The following ABCA1 variants were observed in gnomAD, a reference collection of about 807,000 sequenced individuals.
ABCA1 encodes ATP binding cassette subfamily A member 1, also known as phospholipid-transporting ATPase ABCA1.
A neutral mutation model predicts 262.5 loss-of-function variants in ABCA1; 133 were observed. The observed-to-expected ratio is 0.51, with a 90% CI of 0.44 to 0.59. The LOEUF (loss-of-function observed/expected upper bound fraction) is 0.59. Among genes scored for constraint, ABCA1 ranks in the 20% least tolerant of loss-of-function variants. The pLI, the probability that ABCA1 is intolerant of heterozygous loss-of-function variation, is 0.00. For missense variants in ABCA1, 2,452 were observed against 2,777.5 expected (o/e 0.88, Z 2.63); for synonymous variants, 1,022 against 1,043.5 (o/e 0.98, Z 0.40).
At chr9:104,906,280 T>C (rs986919744) in intron 1 of ABCA1, among the ~76,000 whole-genome samples, 1 of 152,024 alleles carries the variant, frequency 6.6e-6, no homozygotes, top group African/African-American at 2.4e-5. Flanking sequence ...AACCCAAATA[T>C]AGAATATCAC....
Position 104,796,193 on chromosome 9 carries a change from A to G in ABCA1, c.5242T>C (p.Ser1748Pro). Residue 1748 changes from serine to proline, a missense_variant, in exon 39 of 50, where the codon TCA becomes CCA. Ser to Pro is a moderately conservative substitution (Grantham distance 74). Coordinates refer to ENST00000374736, the MANE Select transcript of ABCA1 (RefSeq NM_005502.4). Reference sequence around the variant, plus strand: ...GCTGGGTACATGAGAGGTGTGATTGACCACCTGTTGAGACACAAAAAGATA... The same window carrying G: ...GCTGGGTACATGAGAGGTGTGATTGGCCACCTGTTGAGACACAAAAAGATA... The part of the protein sequence containing the change: ...LALLLLLYGW[S>P]ITPLMYPASF... 6.2e-7 allele frequency: 1 copy of G among 1,614,120 alleles called. No homozygotes were observed. Among genetic ancestry groups the G allele is most frequent in the Non-Finnish European group, 8.5e-7 (1 of 1,180,010 alleles).
intron 7 of ABCA1, 78 bp downstream of exon 7, chr9:104,858,444 G>C: frequency 1.4e-6 from 2 of 1,458,738 alleles, no homozygotes; most frequent in South Asian, 2.3e-5. Context: ...ACAAAACAAA[G>C]TCATGCTGTC....
At chr9:104,884,792 C>T (rs1839006195) in intron 3 of ABCA1, among the ~76,000 whole-genome samples, 1 of 152,132 alleles carries the variant, frequency 6.6e-6, no homozygotes, top group Non-Finnish European at 1.5e-5. Context: ...TTCATGATAC[C>T]AGCGTTGGAG....
Position 104,785,516 on chromosome 9 carries a change from C to T in ABCA1, c.6525G>A (p.Met2175Ile). 1 of 1,613,684 alleles carries T rather than the reference C, an allele frequency of 6.2e-7. No individual in the cohort carries two copies. The highest frequency in any genetic ancestry group is 1.7e-4 in the Middle Eastern group (1 of 6,056). Residue 2175 changes from methionine (M) to isoleucine (I), a missense_variant, in exon 49 of 50, where the codon ATG (methionine) becomes ATA (isoleucine). Met to Ile is a conservative substitution (Grantham distance 10, BLOSUM62 1). Around this residue, in one of 4 missense-constraint regions of ABCA1, gnomAD observed 752 missense variants for 944.5 expected, o/e 0.80. Coordinates refer to ENST00000374736, the MANE Select transcript of ABCA1 (RefSeq NM_005502.4). ...ATGAAGATGGAAGCTGGTATTGTAG[C>T]ATGTTCCGGTGTTTCTCTTTTAGAA... ...GSVLKEKHRN[M>I]LQYQLPSSLS...
rs3890182 is a variant in ABCA1 at position 104,885,374 on chromosome 9, G to A, written c.161-806C>T. On this transcript the variant is annotated intron_variant, in intron 3 of 49. Transcript: ENST00000374736. ...CTTCCTCACACCTGCGGTTAGATTG[G>A]AATTTAGCTCATCTCAAACCCCTCT... is the stretch of plus-strand genomic sequence containing the variant. Among the ~76,000 whole-genome samples, 17,571 of 152,134 alleles carry A rather than the reference G, an allele frequency of 0.12. 1,081 individuals carry two copies. Among genetic ancestry groups the A allele is most frequent in the Middle Eastern group, 0.2 (58 of 290 alleles).
rs1833914976 is a variant in ABCA1, at chr9:104,837,342, C to T, written c.1194+86G>A. ...CCAGAAGAGCCGTGAGTATACTTAG[C>T]GCACACCTCTGAAGCTACCTTGAGT... On this transcript the variant is annotated intron_variant, in intron 10 of 49. Transcript: ENST00000374736. The T allele has an allele frequency of 3.8e-6, 6 of 1,559,758 alleles. No homozygotes were observed. In the South Asian group the frequency reaches 4.5e-5, roughly 12 times the overall value.
rs1469752696 is a variant in ABCA1, at chr9:104,858,662, G to A, written c.580C>T (p.Leu194=). The part of the protein sequence containing the change: ...LQGYQLHLTS[L]CNGSKSEEMI... Reference sequence around the variant, plus strand: ...TCTTCTGATTTTGATCCATTGCACAGACTTGTCAAATGTAACTGGTAGCCT... The same window carrying A: ...TCTTCTGATTTTGATCCATTGCACAAACTTGTCAAATGTAACTGGTAGCCT... The change falls in exon 7 of 50, where the codon CTG becomes TTG. Residue 194 remains leucine (L), a synonymous_variant. Coordinates refer to ENST00000374736, the MANE Select transcript of ABCA1 (RefSeq NM_005502.4). 44 of 1,614,030 alleles carry A rather than the reference G, an allele frequency of 2.7e-5. No individual in the cohort carries two copies. The highest frequency in any genetic ancestry group is 3.3e-5 in the Non-Finnish European group (39 of 1,180,040).
At chr9:104,881,818 C>A (rs933069622) in intron 5 of ABCA1, among the ~76,000 whole-genome samples, 4 of 151,958 alleles carry the variant, frequency 2.6e-5, no homozygotes, top group Non-Finnish European at 5.9e-5. Flanking sequence ...AGACCAGGAC[C>A]TGCAGGTCAA....
chr9:104,868,217 G>T (rs1158007894), intron 5 of ABCA1, among the ~76,000 whole-genome samples: 1 of 152,118 alleles, frequency 6.6e-6, no homozygotes, highest in Non-Finnish European at 1.5e-5. Flanking sequence ...AAATTAGCCG[G>T]GTGTGGTGGC....
At chr9:104,860,852 G>A (rs1280000653) in intron 6 of ABCA1, among the ~76,000 whole-genome samples, 1 of 147,400 alleles carries the variant, frequency 6.8e-6, no homozygotes, top group East Asian at 2.0e-4. Flanking sequence ...CGCCTCCCAG[G>A]TTCAAACGAT....
intron 1 of ABCA1, among the ~76,000 whole-genome samples, chr9:104,916,058 G>T (rs1841820789): frequency 6.6e-6 from 1 of 152,104 alleles, no homozygotes; most frequent in South Asian, 2.1e-4. Flanking sequence ...GACTGGAATT[G>T]TAAACTGAAA....
chr9:104,887,580 T>C (rs1006261799), intron 3 of ABCA1, among the ~76,000 whole-genome samples: 7 of 152,186 alleles, frequency 4.6e-5, no homozygotes, highest in African/African-American at 1.2e-4. Flanking sequence ...TTGAAACTTA[T>C]ACTTCAGTGG....
chr9:104,829,942 C>CTA (rs1359279612), intron 14 of ABCA1, among the ~76,000 whole-genome samples: 17 of 122,964 alleles, frequency 1.4e-4, no homozygotes, highest in African/African-American at 4.8e-4. Context: ...ATCCTGATCC[C>CTA]TACACACACA....
intron 3 of ABCA1, among the ~76,000 whole-genome samples, chr9:104,888,058 G>GGTATGTGT (rs1554744307): frequency 7.1e-6 from 1 of 140,304 alleles, no homozygotes; most frequent in African/African-American, 3.0e-5. Flanking sequence ...TTTCTTGAGG[G>GGTATGTGT]GTGTGTGTGT....
intron 1 of ABCA1, among the ~76,000 whole-genome samples, chr9:104,914,851 A>G (rs1841742688): frequency 6.6e-6 from 1 of 152,216 alleles, no homozygotes. Flanking sequence ...GCAGGAGTGC[A>G]TTTAATCTGA....
intron 47 of ABCA1, 32 bp from the exon 48 acceptor site, chr9:104,786,422 A>G: frequency 6.3e-7 from 1 of 1,580,606 alleles, no homozygotes; most frequent in South Asian, 1.1e-5. Context: ...TTTTAGTTTT[A>G]GAGAGATTCT....
Position 104,821,982 on chromosome 9 carries a change from C to A in ABCA1, c.2829-476G>T, listed in dbSNP as rs182567285. Among the ~76,000 whole-genome samples the A allele has an allele frequency of 4.4e-3, 670 of 152,208 alleles. 2 individuals carry two copies. Among genetic ancestry groups the A allele is most frequent in the Middle Eastern group, 0.01 (3 of 294 alleles). ...AAGAATGTCACCCCCCAAAGATATA[C>A]CCTTTGGAATGGTTAGAATGGTTGA... On this transcript the variant is annotated intron_variant, in intron 19 of 49. Coordinates refer to ENST00000374736, the MANE Select transcript of ABCA1 (RefSeq NM_005502.4).
At chr9:104,918,488 T>C (rs1035652739) in intron 1 of ABCA1, among the ~76,000 whole-genome samples, 1 of 152,244 alleles carries the variant, frequency 6.6e-6, no homozygotes, top group African/African-American at 2.4e-5. Context: ...TAAAAGTCTT[T>C]TGACCTCTGT....
chr9:104,795,871 T>C (rs1428708392), intron 39 of ABCA1, among the ~76,000 whole-genome samples, 182 bp downstream of exon 39: 1 of 152,094 alleles, frequency 6.6e-6, no homozygotes, highest in African/African-American at 2.4e-5. Context: ...ACCAGCAAAA[T>C]GTAAGGCACA....
Sources: gnomAD v4.1 joint callset for allele counts (sites outside exome capture counted in the v4.1 genomes callset) on GRCh38, gnomAD v4.1.1 for gene constraint, gnomAD v4.1.1 regional missense constraint, MANE v1.5 for transcripts, NCBI Gene and HGNC (gene_info 2026-07-23, HGNC 2026-07-21) for gene names.